KLHL17: variants seen among roughly 807,000 people sequenced by gnomAD.
KLHL17 encodes kelch-like protein 17.
Under a neutral mutation model 64.6 loss-of-function variants are expected in KLHL17, and 71 were observed. The observed-to-expected ratio is 1.10, with a 90% CI of 0.91 to 1.34. The LOEUF is 1.34. KLHL17 is among the 40% of genes most tolerant of loss of function. The probability of loss-of-function intolerance (pLI) is 0.00; values close to 1 mark genes in which losing one functional copy is unlikely to be tolerated. For missense variants in KLHL17, 1,140 were observed against 935.0 expected (o/e 1.22, Z -2.86); for synonymous variants, 612 against 405.4 (o/e 1.51, Z -6.12).
chr1:965,229 C>G lies in KLHL17; in HGVS notation c.*38C>G. The G allele has an allele frequency of 1.3e-6, 2 of 1,574,284 alleles. No homozygotes were observed. The highest frequency in any genetic ancestry group is 1.7e-6 in the Non-Finnish European group (2 of 1,149,786). Reference sequence around the variant, plus strand: ...CAGAGGCCTGCAGCCTCCCACATGCCTTAAGGGGACCGTGGCCCCCACCAG... The same window carrying G: ...CAGAGGCCTGCAGCCTCCCACATGCGTTAAGGGGACCGTGGCCCCCACCAG... On this transcript the variant is annotated 3_prime_UTR_variant, in exon 12 of 12. Transcript: ENST00000338591.
Position 962,064 on chromosome 1 carries a change from C to G in KLHL17, c.711+17C>G. ...CTGAAACAGGTAACAGCTGGCGGGC[C>G]CAGCCCTCGCCCCCCACCCCACCCC... is the stretch of plus-strand genomic sequence containing the variant. On this transcript the variant is annotated intron_variant, in intron 4 of 11. Coordinates refer to ENST00000338591, the MANE Select transcript of KLHL17 (RefSeq NM_198317.3). The G allele has an allele frequency of 6.2e-7, 1 of 1,602,920 alleles. No homozygotes were observed. The highest frequency in any genetic ancestry group is 1.3e-5 in the African/African-American group (1 of 74,878).
At chr1:961,229 CAGCGGCTCCAGGGCGGGCG>C in intron 1 of KLHL17, 45 bp from the exon 2 acceptor site, 1 of 1,202,598 alleles carries the variant, frequency 8.3e-7, no homozygotes, top group Admixed American at 4.4e-5. Flanking sequence ...CCGGGCCCCC[CAGCGGCTCCAGGGCGGGCG>C]GGCGGCTCCA....
At chr1:964,905 C>T (rs4970435) in intron 11 of KLHL17, 58 bp from the exon 12 acceptor site, 774,477 of 847,362 alleles carry the variant, frequency 0.91, 361,522 homozygotes, top group Non-Finnish European at 0.94. Context: ...TTTTGTGGTG[C>T]AGCCCCTCCC....
intron 4 of KLHL17, 127 bp downstream of exon 4, chr1:962,174 C>G: frequency 7.8e-7 from 1 of 1,284,720 alleles, no homozygotes; most frequent in African/African-American, 1.5e-5. Context: ...CTGTGTGTCC[C>G]CGAGACCTTT....
chr1:962,336 T>TA lies in KLHL17; in HGVS notation c.712-19_712-18insA, dbSNP rs1557630914. On this transcript the variant is annotated intron_variant, in intron 4 of 11. Transcript: ENST00000338591. ...CAGGACCCTCCCCAGATCTCAGGTC[T>TA]GAGGACCCCCACTCCCAGGTTCTGG... 6.2e-7 allele frequency: 1 copy of TA among 1,612,374 alleles called. No individual in the cohort carries two copies. The highest frequency in any genetic ancestry group is 8.5e-7 in the Non-Finnish European group (1 of 1,179,768).
At chr1:962,648 C>G in intron 5 of KLHL17, 56 bp from the exon 6 acceptor site, 1 of 1,539,174 alleles carries the variant, frequency 6.5e-7, no homozygotes, top group South Asian at 1.2e-5. Context: ...TGTCTCAGCC[C>G]TGACGCCCAG....
rs142545439 is a variant in KLHL17 at position 965,337 on chromosome 1, CTTAT to C, written c.*152_*155del. 0.55 allele frequency: 381,875 copies of C among 695,398 alleles called. 113,430 individuals carry two copies. Among genetic ancestry groups the C allele is most frequent in the Non-Finnish European group, 0.62 (264,316 of 424,202 alleles). The allele number at this position is 695,398 out of a possible 1,614,324, so 43.1% of individuals were successfully genotyped here. On this transcript the variant is annotated 3_prime_UTR_variant, in exon 12 of 12. Transcript: ENST00000338591. ...GTTGTTTATTTATTTAGTTATTTATCTTATTTATTGAGGGGTGAGGAGTGCCACG... is the reference window on the plus strand; with the variant it reads ...GTTGTTTATTTATTTAGTTATTTATCTTATTGAGGGGTGAGGAGTGCCACG...
At position 963,182 on chromosome 1, in the gene KLHL17, G is replaced by A. The variant is rs1193299794; in HGVS notation, c.1116G>A (p.Val372=). 1 of 1,609,762 alleles carries A rather than the reference G, an allele frequency of 6.2e-7. No homozygotes were observed. Among genetic ancestry groups the A allele is most frequent in the Non-Finnish European group, 8.5e-7 (1 of 1,177,858 alleles). The part of the protein sequence containing the change: ...YDTRTDRWHV[V]ASMSTRRARV... ...CGCGCACCGACCGCTGGCACGTGGTGGCCTCCATGTCCACGCGCCGGGCCC... is the reference window on the plus strand; with the variant it reads ...CGCGCACCGACCGCTGGCACGTGGTAGCCTCCATGTCCACGCGCCGGGCCC... The change falls in exon 7 of 12, where the codon GTG becomes GTA. Residue 372 remains valine (V), a synonymous_variant. Transcript: ENST00000338591.
intron 11 of KLHL17, 45 bp from the exon 12 acceptor site, chr1:964,918 C>G (rs71628926): frequency 0.023 from 32,086 of 1,383,300 alleles, 1,323 homozygotes; most frequent in Non-Finnish European, 0.028. Flanking sequence ...CCCCTCCCCC[C>G]GCATCCCTTC....
rs1642902621 is a variant in KLHL17 at position 965,328 on chromosome 1, GTTATTTATC to G, written c.*146_*154del. 1.4e-6 allele frequency: 1 copy of G among 721,798 alleles called. No homozygotes were observed. The allele number at this position is 721,798 out of a possible 1,614,324, so 44.7% of individuals were successfully genotyped here. On this transcript the variant is annotated 3_prime_UTR_variant, in exon 12 of 12. Coordinates refer to ENST00000338591, the MANE Select transcript of KLHL17 (RefSeq NM_198317.3). ...CTTTATTTAGTTGTTTATTTATTTAGTTATTTATCTTATTTATTGAGGGGTGAGGAGTGC... is the reference window on the plus strand; with the variant it reads ...CTTTATTTAGTTGTTTATTTATTTAGTTATTTATTGAGGGGTGAGGAGTGC...
intron 9 of KLHL17, 48 bp from the exon 10 acceptor site, chr1:964,059 A>T: frequency 6.2e-7 from 1 of 1,612,412 alleles, no homozygotes; most frequent in Non-Finnish European, 8.5e-7. Flanking sequence ...CCCACCGTGG[A>T]GACCCCACTC....
chr1:963,867 C>G (rs544673954), intron 8 of KLHL17, 53 bp from the exon 9 acceptor site: 1 of 1,572,528 alleles, frequency 6.4e-7, no homozygotes, highest in Non-Finnish European at 8.7e-7. Context: ...GTCCTGGGGC[C>G]GGGACGCCTT....
rs752767694 is a variant in KLHL17, at chr1:962,092, C to G, written c.711+45C>G. 9 of 1,517,442 alleles carry G rather than the reference C, an allele frequency of 5.9e-6. 1 individual carries two copies. The highest frequency in any genetic ancestry group is 2.7e-6 in the Non-Finnish European group (3 of 1,113,524). The allele number at this position is 1,517,442 out of a possible 1,614,324, so 94.0% of individuals were successfully genotyped here. A position where few individuals can be genotyped will look rare whatever the true frequency, so the allele number is the denominator to read the frequency against. ...GCCCTCGCCCCCCACCCCACCCCAC[C>G]CCAGTCTTTGTCTTTGACTCCCGAC... On this transcript the variant is annotated intron_variant, in intron 4 of 11. Transcript: ENST00000338591.
At chr1:962,954 C>G (rs766015728) in intron 6 of KLHL17, 37 bp downstream of exon 6, 22 of 1,523,876 alleles carry the variant, frequency 1.4e-5, no homozygotes, top group Non-Finnish European at 1.9e-5. Flanking sequence ...TGCCCTGTGC[C>G]TTCTACTCCC....
In KLHL17 at chr1:964,920, C is replaced by T. The variant is rs368089753; in HGVS notation, c.1701-43C>T. On this transcript the variant is annotated intron_variant, in intron 11 of 11. Transcript: ENST00000338591. Reference sequence around the variant, plus strand: ...TTTTGTGGTGCAGCCCCTCCCCCCGCATCCCTTCCTGCAGCCAGGGGCTCA... The same window carrying T: ...TTTTGTGGTGCAGCCCCTCCCCCCGTATCCCTTCCTGCAGCCAGGGGCTCA... The T allele has an allele frequency of 6.4e-5, 91 of 1,427,454 alleles. 3 individuals are homozygous for T. Among genetic ancestry groups the T allele is most frequent in the Non-Finnish European group, 8.2e-5 (85 of 1,036,622 alleles). 88.4% of individuals were successfully genotyped at this position (1,427,454 alleles called of 1,614,324 possible).
Position 964,523 on chromosome 1 carries a change from A to C in KLHL17, c.1693A>C (p.Ile565Leu). Residue 565 changes from isoleucine to leucine, a missense_variant, in exon 11 of 12, where the codon ATC becomes CTC. Coordinates refer to ENST00000338591, the MANE Select transcript of KLHL17 (RefSeq NM_198317.3). ...CTGGGAAAGCGTGGCGCCCATGAAT[A>C]TCCGCAGGTCCGCAGTGGGGCTGCG... ...GAWESVAPMNIRRSTHDLVAM... is the reference protein window; with the variant it reads ...GAWESVAPMNLRRSTHDLVAM... 12 of 1,495,452 alleles carry C rather than the reference A, an allele frequency of 8.0e-6. No individual in the cohort carries two copies. Among genetic ancestry groups the C allele is most frequent in the East Asian group, 2.5e-5 (1 of 40,334 alleles). The allele number at this position is 1,495,452 out of a possible 1,614,324, so 92.6% of individuals were successfully genotyped here. A position where few individuals can be genotyped will look rare whatever the true frequency, so the allele number is the denominator to read the frequency against.
In KLHL17 at chr1:964,126, G is replaced by C. The variant is rs774003365; in HGVS notation, c.1464G>C (p.Val488=). The part of the protein sequence containing the change: ...VATLDGNLYA[V]GGYDSSSHLA... ...CGGCAGATGGGAACCTGTATGCTGT[G>C]GGCGGCTACGACAGCTCCTCACACC... The change falls in exon 10 of 12, where the codon GTG becomes GTC. Residue 488 remains valine, a synonymous_variant. Transcript: ENST00000338591. 1.3e-5 allele frequency: 21 copies of C among 1,612,570 alleles called. No homozygotes were observed. The highest frequency in any genetic ancestry group is 5.1e-6 in the Non-Finnish European group (6 of 1,179,926).
In KLHL17 at chr1:962,298, C is replaced by G. The variant is rs199840245; in HGVS notation, c.712-57C>G. 3.6e-5 allele frequency: 58 copies of G among 1,608,502 alleles called. No homozygotes were observed. The Admixed American group carries it at 6.4e-4, about 18-fold the overall frequency. On this transcript the variant is annotated intron_variant, in intron 4 of 11. Coordinates refer to ENST00000338591, the MANE Select transcript of KLHL17 (RefSeq NM_198317.3). Reference sequence around the variant, plus strand: ...CCCTCCCTCCTAGGCATCTTCAGGGCTCCCTGGGTCCACAGGACCCTCCCC... The same window carrying G: ...CCCTCCCTCCTAGGCATCTTCAGGGGTCCCTGGGTCCACAGGACCCTCCCC...
chr1:962,222 C>T (rs1269450163), intron 4 of KLHL17, 133 bp from the exon 5 acceptor site: 1 of 1,462,582 alleles, frequency 6.8e-7, no homozygotes, highest in African/African-American at 1.4e-5. Flanking sequence ...TCTGTGGCTC[C>T]TGACTCTGCT....
Sources: gnomAD v4.1 joint callset for allele counts on GRCh38, gnomAD v4.1.1 for gene constraint, MANE v1.5 for transcripts, NCBI Gene and HGNC (gene_info 2026-07-23, HGNC 2026-07-21) for gene names.